The following CATSPERB variants were observed in gnomAD, a reference collection of about 807,000 sequenced individuals.
The protein encoded by CATSPERB is cation channel sperm-associated auxiliary subunit beta.
CATSPERB carries 93 observed loss-of-function variants against 128.3 expected under a neutral mutation model. The ratio of observed to expected loss-of-function variants is 0.72; its 90% CI spans 0.61 to 0.86. The LOEUF (loss-of-function observed/expected upper bound fraction) is 0.86. CATSPERB is among the 40% of genes least tolerant of loss of function. The pLI is 0.00. For synonymous variants in CATSPERB, 381 were observed against 448.8 expected (o/e 0.85, Z 1.91); for missense variants, 1,153 against 1,329.5 (o/e 0.87, Z 2.06).
intron 15 of CATSPERB, among the ~76,000 whole-genome samples, chr14:91,648,576 C>T (rs1704626): frequency 0.19 from 28,200 of 151,338 alleles, 2,773 homozygotes; most frequent in South Asian, 0.24. Context: ...TGTATATTTA[C>T]ATATCTTGTA....
chr14:91,659,691 G>C (rs111368285), intron 15 of CATSPERB, 146 bp downstream of exon 15: 22 of 692,172 alleles, frequency 3.2e-5, no homozygotes, highest in African/African-American at 2.3e-4. Flanking sequence ...CTATCCATAG[G>C]ATCCTACTTC....
At chr14:91,604,643 C>A (rs201865551) in intron 22 of CATSPERB, 174 of 1,611,848 alleles carry the variant, frequency 1.1e-4, no homozygotes, top group Non-Finnish European at 1.4e-4. Context: ...CTGGGTGCAC[C>A]AGGTCTGAGT....
intron 4 of CATSPERB, among the ~76,000 whole-genome samples, chr14:91,720,530 G>T (rs1402308059): frequency 2.6e-5 from 4 of 151,548 alleles, no homozygotes; most frequent in African/African-American, 4.8e-5. Flanking sequence ...TTTAACAAAA[G>T]AAGTATAAAA....
intron 22 of CATSPERB, chr14:91,604,983 T>C (rs979608082): frequency 3.4e-6 from 4 of 1,169,284 alleles, no homozygotes; most frequent in Non-Finnish European, 5.2e-6. Context: ...CCCTGAAATC[T>C]ATCATTGAGT....
chr14:91,636,587 C>T lies in CATSPERB; in HGVS notation c.1588-8G>A, dbSNP rs763918562. ...AAAGCCCATATCTGGAGGCTGGAAA[C>T]AGAGAAAAGAAAATATTATATTTAA... is the stretch of plus-strand genomic sequence containing the variant. On this transcript the variant is annotated splice_polypyrimidine_tract_variant and splice_region_variant and intron_variant, in intron 16 of 26. Transcript: ENST00000256343. 4 of 1,601,510 alleles carry T rather than the reference C, an allele frequency of 2.5e-6. No individual in the cohort carries two copies. The African/African-American group carries it at 4.0e-5, about 16-fold the overall frequency.
intron 17 of CATSPERB, among the ~76,000 whole-genome samples, chr14:91,628,661 C>CT (rs2139794908): frequency 6.6e-6 from 1 of 152,314 alleles, no homozygotes; most frequent in South Asian, 2.1e-4. Context: ...ACGTGCCTTG[C>CT]TTCCCCTTCA....
intron 19 of CATSPERB, among the ~76,000 whole-genome samples, chr14:91,619,562 A>T (rs1165011272): frequency 6.6e-6 from 1 of 150,944 alleles, no homozygotes; most frequent in Non-Finnish European, 1.5e-5. Context: ...TTAAAAAAAA[A>T]ATAGCATTTT....
At chr14:91,699,213 G>A (rs190596267) in intron 7 of CATSPERB, among the ~76,000 whole-genome samples, 1 of 152,232 alleles carries the variant, frequency 6.6e-6, no homozygotes, top group African/African-American at 2.4e-5. Context: ...TCCTTGGGTA[G>A]ATACCCAGCA....
At chr14:91,712,402 A>G (rs764513295) in intron 5 of CATSPERB, among the ~76,000 whole-genome samples, 12 of 152,218 alleles carry the variant, frequency 7.9e-5, no homozygotes, top group Non-Finnish European at 1.3e-4. Flanking sequence ...AAAGATTAAT[A>G]AAAACAAGTA....
intron 5 of CATSPERB, among the ~76,000 whole-genome samples, chr14:91,716,091 G>T (rs551200514): frequency 6.6e-6 from 1 of 152,248 alleles, no homozygotes; most frequent in Admixed American, 6.5e-5. Context: ...CAGCAAAATT[G>T]AAAACTCTGA....
chr14:91,625,191 C>A (rs1272402007), intron 17 of CATSPERB, among the ~76,000 whole-genome samples, 184 bp from the exon 18 acceptor site: 2 of 152,150 alleles, frequency 1.3e-5, no homozygotes, highest in African/African-American at 4.8e-5. Context: ...CAATTTTTAA[C>A]CTCTAAAATT....
chr14:91,694,497 G>T (rs892696330), intron 7 of CATSPERB, among the ~76,000 whole-genome samples: 1 of 143,738 alleles, frequency 7.0e-6, no homozygotes, highest in Non-Finnish European at 1.5e-5. Flanking sequence ...AATTCATAGA[G>T]CCCTATTCAC....
chr14:91,713,673 T>G (rs575000966), intron 5 of CATSPERB, among the ~76,000 whole-genome samples: 1 of 152,276 alleles, frequency 6.6e-6, no homozygotes, highest in South Asian at 2.1e-4. Flanking sequence ...ATAATGAATG[T>G]GTATTTAAAA....
intron 7 of CATSPERB, among the ~76,000 whole-genome samples, chr14:91,698,952 G>T (rs1288354614): frequency 6.6e-6 from 1 of 152,094 alleles, no homozygotes; most frequent in Non-Finnish European, 1.5e-5. Context: ...GAGAACACAT[G>T]GTTTTTGGTT....
chr14:91,711,515 G>A (rs935654603), intron 5 of CATSPERB, among the ~76,000 whole-genome samples: 7 of 152,190 alleles, frequency 4.6e-5, no homozygotes, highest in Non-Finnish European at 1.0e-4. Context: ...ACAGGCATGA[G>A]CCACTGCACC....
chr14:91,676,386 C>T (rs1430061441), intron 11 of CATSPERB, among the ~76,000 whole-genome samples: 1 of 152,172 alleles, frequency 6.6e-6, no homozygotes, highest in African/African-American at 2.4e-5. Context: ...CTCTTTGGGA[C>T]TCCAGCTGGT....
intron 22 of CATSPERB, among the ~76,000 whole-genome samples, chr14:91,596,496 C>A (rs1000526462): frequency 1.3e-5 from 2 of 152,260 alleles, no homozygotes; most frequent in East Asian, 3.9e-4. Context: ...AACCACCACA[C>A]CTGGCCTATA....
At chr14:91,616,867 G>A (rs1035153887) in intron 20 of CATSPERB, among the ~76,000 whole-genome samples, 14 of 150,176 alleles carry the variant, frequency 9.3e-5, no homozygotes, top group African/African-American at 2.0e-4. Context: ...TCAGCCTCTC[G>A]AGTAGCTGGG....
chr14:91,638,721 C>T (rs536163887), intron 16 of CATSPERB, among the ~76,000 whole-genome samples: 1 of 152,306 alleles, frequency 6.6e-6, no homozygotes, highest in South Asian at 2.1e-4. Flanking sequence ...GGCGCCTGGC[C>T]TCACAACCCA....
Sources: gnomAD v4.1 joint callset for allele counts (sites outside exome capture counted in the v4.1 genomes callset) on GRCh38, gnomAD v4.1.1 for gene constraint, MANE v1.5 for transcripts, NCBI Gene and HGNC (gene_info 2026-07-23, HGNC 2026-07-21) for gene names.